TBP: variants seen among roughly 807,000 people sequenced by gnomAD.
The protein encoded by TBP is TATA-box-binding protein.
Under a neutral mutation model 46.2 loss-of-function variants are expected in TBP, and 12 were observed. That is an observed-to-expected ratio of 0.26 (90% CI 0.17 to 0.42). The LOEUF (loss-of-function observed/expected upper bound fraction) is 0.42, where lower values mean the gene tolerates loss of function less well. Among genes scored for constraint, TBP ranks in the 10% least tolerant of loss-of-function variants. The pLI is 1.00. For synonymous variants in TBP, 157 were observed against 148.3 expected (o/e 1.06, Z -0.42); for missense variants, 229 against 403.1 (o/e 0.57, Z 3.70).
chr6:170,572,408 G>A lies in TBP; in HGVS notation c.*143G>A, dbSNP rs1405895269. Reference sequence around the variant, plus strand: ...GTGTGGCACCAGGTGATGCCCTTCTGTAAGTGCCCACCGCGGGATGCCGGG... The same window carrying A: ...GTGTGGCACCAGGTGATGCCCTTCTATAAGTGCCCACCGCGGGATGCCGGG... On this transcript the variant is annotated 3_prime_UTR_variant, in exon 8 of 8. Transcript: ENST00000392092. 2 of 697,404 alleles carry A rather than the reference G, an allele frequency of 2.9e-6. No homozygotes were observed. Among genetic ancestry groups the A allele is most frequent in the Non-Finnish European group, 4.9e-6 (2 of 408,656 alleles). 43.2% of individuals were successfully genotyped at this position (697,404 alleles called of 1,614,324 possible).
chr6:170,570,324 C>T (rs928128323), intron 6 of TBP, among the ~76,000 whole-genome samples: 1 of 152,194 alleles, frequency 6.6e-6, no homozygotes, highest in African/African-American at 2.4e-5. Flanking sequence ...TTGGTTCCTC[C>T]TGCCCTAGGC....
Position 170,571,399 on chromosome 6 carries a change from T to C in TBP, c.846-11T>C. On this transcript the variant is annotated splice_polypyrimidine_tract_variant and intron_variant, in intron 6 of 7. Coordinates refer to ENST00000392092, the MANE Select transcript of TBP (RefSeq NM_003194.5). The stretch of plus-strand genomic sequence containing the variant: ...TCTTGATTTCTAAACTTTTTGCAAT[T>C]TTCCTTCTAGTTATGAGCCAGAGTT... 1.6e-5 allele frequency: 26 copies of C among 1,606,156 alleles called. No homozygotes were observed. The highest frequency in any genetic ancestry group is 2.1e-5 in the Non-Finnish European group (25 of 1,175,376).
chr6:170,560,819 A>T (rs1318143053), intron 2 of TBP, among the ~76,000 whole-genome samples: 3 of 152,200 alleles, frequency 2.0e-5, no homozygotes, highest in Non-Finnish European at 2.9e-5. Flanking sequence ...GCTTCTTGTG[A>T]GTAAGCAAAG....
At chr6:170,564,714 C>T (rs1779211979) in intron 4 of TBP, 82 bp downstream of exon 4, 5 of 949,390 alleles carry the variant, frequency 5.3e-6, no homozygotes, top group Non-Finnish European at 7.7e-6. Context: ...GTATTTCACG[C>T]TATAAAACAA....
Position 170,572,042 on chromosome 6 carries a change from T to C in TBP, c.941-144T>C, listed in dbSNP as rs2072916. On this transcript the variant is annotated intron_variant, in intron 7 of 7. Coordinates refer to ENST00000392092, the MANE Select transcript of TBP (RefSeq NM_003194.5). ...ATAAGATTGTGACAAGGGATTCCAC[T>C]ATTAATGTTTTCATGCCTGTGCCTT... 0.53 allele frequency: 362,972 copies of C among 687,486 alleles called. 97,827 individuals are homozygous for C. The highest frequency in any genetic ancestry group is 0.78 in the East Asian group (29,624 of 37,772). The allele number at this position is 687,486 out of a possible 1,614,324, so 42.6% of individuals were successfully genotyped here. A position where few individuals can be genotyped will look rare whatever the true frequency, so the allele number is the denominator to read the frequency against.
chr6:170,564,376 A>G (rs1452242954), intron 3 of TBP, among the ~76,000 whole-genome samples, 169 bp from the exon 4 acceptor site: 1 of 152,254 alleles, frequency 6.6e-6, no homozygotes, highest in Non-Finnish European at 1.5e-5. Flanking sequence ...GGAATAATCT[A>G]TATAAAATGC....
Position 170,561,830 on chromosome 6 carries a change from A to G in TBP, c.94A>G (p.Met32Val). 4 of 1,613,070 alleles carry G rather than the reference A, an allele frequency of 2.5e-6. No homozygotes were observed. The highest frequency in any genetic ancestry group is 2.5e-6 in the Non-Finnish European group (3 of 1,179,172). The change falls in exon 3 of 8, where the codon ATG becomes GTG. Residue 32 changes from methionine to valine, a missense_variant. This residue lies in a region of TBP where 49 missense variants were observed against 94.7 expected (regional missense o/e 0.52). Transcript: ENST00000392092. ...CGGAATCCCTATCTTTAGTCCAATG[A>G]TGCCTTATGGCACTGGACTGACCCC... ...TPGIPIFSPM[M>V]PYGTGLTPQP...
At chr6:170,557,735 C>CAAAAAAAAAAA (rs35269766) in intron 2 of TBP, among the ~76,000 whole-genome samples, 6 of 51,988 alleles carry the variant, frequency 1.2e-4, no homozygotes, top group South Asian at 1.1e-3. Context: ...GACTCTGTCT[C>CAAAAAAAAAAA]AAAAAAAAAA....
chr6:170,564,430 TA>T, intron 3 of TBP, 114 bp from the exon 4 acceptor site: 62 of 631,956 alleles, frequency 9.8e-5, no homozygotes, highest in Non-Finnish European at 1.2e-4. Flanking sequence ...TGTGAGCAAT[TA>T]AAAAAAAGTA....
intron 5 of TBP, 72 bp downstream of exon 5, chr6:170,567,081 T>A (rs1453519666): frequency 6.4e-6 from 8 of 1,254,090 alleles, no homozygotes; most frequent in African/African-American, 1.5e-5. Context: ...TGTTTTTAGG[T>A]TATTAGGTTA....
intron 2 of TBP, among the ~76,000 whole-genome samples, chr6:170,557,918 A>T (rs1240448425): frequency 6.6e-6 from 1 of 152,194 alleles, no homozygotes; most frequent in East Asian, 1.9e-4. Flanking sequence ...TAACTACTGC[A>T]TCTGCTTTTC....
At chr6:170,558,777 T>C (rs1209181250) in intron 2 of TBP, among the ~76,000 whole-genome samples, 1 of 151,574 alleles carries the variant, frequency 6.6e-6, no homozygotes, top group Non-Finnish European at 1.5e-5. Flanking sequence ...CACTGCAAAC[T>C]CCATCTCCCG....
At chr6:170,565,699 C>T (rs1014653879) in intron 4 of TBP, among the ~76,000 whole-genome samples, 5 of 152,204 alleles carry the variant, frequency 3.3e-5, no homozygotes, top group South Asian at 2.1e-4. Flanking sequence ...TTTCCTGGGA[C>T]GTATATAAAC....
At chr6:170,565,782 A>G (rs1207676576) in intron 4 of TBP, among the ~76,000 whole-genome samples, 3 of 152,202 alleles carry the variant, frequency 2.0e-5, no homozygotes, top group African/African-American at 4.8e-5. Context: ...TTAAACTAAA[A>G]TTGTTAAAAG....
At chr6:170,558,436 T>C (rs1779074584) in intron 2 of TBP, among the ~76,000 whole-genome samples, 1 of 152,248 alleles carries the variant, frequency 6.6e-6, no homozygotes, top group Middle Eastern at 3.2e-3. Context: ...TGATTACTAA[T>C]GTTTCTGAGC....
At chr6:170,563,961 G>A (rs1779195933) in intron 3 of TBP, among the ~76,000 whole-genome samples, 1 of 152,030 alleles carries the variant, frequency 6.6e-6, no homozygotes, top group African/African-American at 2.4e-5. Flanking sequence ...AATGAAAAGG[G>A]TCAGTGGACC....
At chr6:170,555,369 C>T (rs892585396) in intron 1 of TBP, among the ~76,000 whole-genome samples, 3 of 152,216 alleles carry the variant, frequency 2.0e-5, no homozygotes, top group Non-Finnish European at 4.4e-5. Context: ...TCTGTTCATA[C>T]TGCACTTCCG....
intron 4 of TBP, 145 bp from the exon 5 acceptor site, chr6:170,566,773 T>C (rs1269350627): frequency 5.4e-6 from 3 of 558,672 alleles, no homozygotes; most frequent in Admixed American, 2.8e-5. Flanking sequence ...TTTACAGATA[T>C]ACAGAAATAC....
intron 5 of TBP, among the ~76,000 whole-genome samples, chr6:170,568,801 C>CT (rs1469360311): frequency 1.5e-5 from 1 of 68,606 alleles, no homozygotes; most frequent in Non-Finnish European, 2.8e-5. Context: ...TCTCTTCTTT[C>CT]TTTCTTTCCT....
Sources: allele counts gnomAD v4.1 joint callset (sites outside exome capture counted in the v4.1 genomes callset), GRCh38; gene constraint gnomAD v4.1.1; regional missense constraint gnomAD v4.1.1; transcripts MANE v1.5; gene names NCBI Gene and HGNC (gene_info 2026-07-23, HGNC 2026-07-21).